The following LINGO1 variants were observed in gnomAD, a reference collection of about 807,000 sequenced individuals.
LINGO1 encodes the protein leucine rich repeat and Ig domain containing 1.
LINGO1 carries 11 observed loss-of-function variants against 37.3 expected under a neutral mutation model. The ratio of observed to expected loss-of-function variants is 0.29; its 90% CI spans 0.19 to 0.49. The LOEUF is 0.49. LINGO1 is among the 20% of genes least tolerant of loss of function. The pLI, the probability that LINGO1 is intolerant of heterozygous loss-of-function variation, is 0.99. For missense variants in LINGO1, 585 were observed against 878.2 expected (o/e 0.67, Z 4.22); for synonymous variants, 387 against 403.0 (o/e 0.96, Z 0.48).
Position 77,691,920 on chromosome 15 carries a change from G to A in LINGO1, c.-280-1019C>T, listed in dbSNP as rs950199252. ...ACTCCCATCTGTCACCCCCACCCAC[G>A]CTGCGGCATCACAGGGTCCAGATTA... On this transcript the variant is annotated intron_variant, in intron 1 of 3. Coordinates refer to the LINGO1 transcript ENST00000559893. Among the ~76,000 whole-genome samples, 13 of 152,282 alleles carry A rather than the reference G, an allele frequency of 8.5e-5. No homozygotes were observed. The East Asian group carries it at 2.5e-3, about 29-fold the overall frequency.
At chr15:77,631,420 G>A (rs986755428) in intron 1 of LINGO1, among the ~76,000 whole-genome samples, 1 of 152,166 alleles carries the variant, frequency 6.6e-6, no homozygotes, top group Non-Finnish European at 1.5e-5. Context: ...GCACAGTCAG[G>A]CTGGACCAGG....
chr15:77,636,387 G>A (rs187984783), upstream of LINGO1, among the ~76,000 whole-genome samples: 38 of 152,312 alleles, frequency 2.5e-4, no homozygotes, highest in East Asian at 6.8e-3. Flanking sequence ...AATTAATGAC[G>A]GCTCTAAAAT....
chr15:77,775,854 A>G (rs1430037745), intron 1 of LINGO1, among the ~76,000 whole-genome samples: 1 of 152,034 alleles, frequency 6.6e-6, no homozygotes, highest in Non-Finnish European at 1.5e-5. Flanking sequence ...CAAACCCCAC[A>G]CAGCAGCGGG....
intron 1 of LINGO1, among the ~76,000 whole-genome samples, chr15:77,764,468 TAAAG>T (rs550791251): frequency 1.3e-3 from 197 of 152,292 alleles, no homozygotes; most frequent in African/African-American, 4.5e-3. Context: ...CCAGGCTATA[TAAAG>T]AATTCTGCAA....
At chr15:77,816,530 A>G (rs557577693) in intron 1 of LINGO1, among the ~76,000 whole-genome samples, 40 of 152,268 alleles carry the variant, frequency 2.6e-4, no homozygotes, top group African/African-American at 9.4e-4. Context: ...TTACAATTTA[A>G]AACACAAATA....
At chr15:77,699,987 C>T (rs2075761822), upstream of LINGO1, among the ~76,000 whole-genome samples, 1 of 152,182 alleles carries the variant, frequency 6.6e-6, no homozygotes, top group Non-Finnish European at 1.5e-5. Flanking sequence ...CCTCAGGGTG[C>T]AAGGAAGGAG....
intron 2 of LINGO1, among the ~76,000 whole-genome samples, chr15:77,710,093 G>A (rs940645952): frequency 1.6e-4 from 24 of 152,366 alleles, no homozygotes; most frequent in African/African-American, 4.1e-4. Flanking sequence ...GGAAGCTGCA[G>A]CTCCTATGGC....
intron 1 of LINGO1, among the ~76,000 whole-genome samples, chr15:77,806,406 G>A (rs975308193): frequency 7.9e-5 from 12 of 152,194 alleles, no homozygotes; most frequent in African/African-American, 1.9e-4. Flanking sequence ...GGTCGAGGGC[G>A]GAGGGGTACT....
intron 1 of LINGO1, among the ~76,000 whole-genome samples, chr15:77,818,876 G>A (rs1390941167): frequency 6.6e-6 from 1 of 150,690 alleles, no homozygotes; most frequent in Non-Finnish European, 1.5e-5. Flanking sequence ...CCCGCCAGAC[G>A]GCCCGGCCCG....
At chr15:77,645,670 C>T (rs963502437) in intron 3 of LINGO1, among the ~76,000 whole-genome samples, 6 of 152,212 alleles carry the variant, frequency 3.9e-5, no homozygotes, top group African/African-American at 1.2e-4. Context: ...TGAGCCTGCC[C>T]GCACTCTGCA....
chr15:77,698,354 C>T (rs2075723782), upstream of LINGO1, among the ~76,000 whole-genome samples: 1 of 152,232 alleles, frequency 6.6e-6, no homozygotes, highest in Admixed American at 6.5e-5. Flanking sequence ...ATTAATTCAA[C>T]AAGCATGTGT....
chr15:77,762,234 G>T (rs901095780), intron 1 of LINGO1, among the ~76,000 whole-genome samples: 1 of 152,202 alleles, frequency 6.6e-6, no homozygotes, highest in African/African-American at 2.4e-5. Flanking sequence ...AGTGTGTGCA[G>T]GCCAGTCTTT....
At chr15:77,693,196 C>T (rs1051904581) in intron 1 of LINGO1, among the ~76,000 whole-genome samples, 17 of 152,356 alleles carry the variant, frequency 1.1e-4, no homozygotes, top group Middle Eastern at 6.8e-3. Flanking sequence ...GCATCAAATA[C>T]TTATTCGGCA....
intron 1 of LINGO1, among the ~76,000 whole-genome samples, chr15:77,777,114 G>A (rs144512859): frequency 6.6e-6 from 1 of 152,352 alleles, no homozygotes; most frequent in Non-Finnish European, 1.5e-5. Context: ...AAGCTCAGGA[G>A]CTGGGCCTGC....
intron 2 of LINGO1, among the ~76,000 whole-genome samples, chr15:77,730,544 G>A (rs1488083574): frequency 1.3e-5 from 2 of 152,202 alleles, no homozygotes; most frequent in Admixed American, 6.5e-5. Context: ...GTGCCGGGCT[G>A]CCCCTGCCTC....
chr15:77,625,764 C>A (rs2074069093), intron 1 of LINGO1, among the ~76,000 whole-genome samples: 1 of 152,200 alleles, frequency 6.6e-6, no homozygotes, highest in African/African-American at 2.4e-5. Context: ...ATACTGCCTC[C>A]CTCTGATTCA....
At chr15:77,683,619 G>A (rs1179891751) in intron 2 of LINGO1, among the ~76,000 whole-genome samples, 2 of 152,124 alleles carry the variant, frequency 1.3e-5, no homozygotes, top group African/African-American at 2.4e-5. Flanking sequence ...GTGGGGTAAT[G>A]TGCATAATAT....
chr15:77,754,882 A>T (rs575321482), intron 1 of LINGO1, among the ~76,000 whole-genome samples: 4 of 152,328 alleles, frequency 2.6e-5, no homozygotes, highest in East Asian at 3.9e-4. Flanking sequence ...GCTTCCACGA[A>T]ACTCAATGTC....
chr15:77,709,979 T>C (rs2075898637), intron 2 of LINGO1, among the ~76,000 whole-genome samples: 1 of 151,984 alleles, frequency 6.6e-6, no homozygotes, highest in Non-Finnish European at 1.5e-5. Context: ...CTCAGGAGGA[T>C]GGAAAGAGAT....
Sources: gnomAD v4.1 joint callset for allele counts (sites outside exome capture counted in the v4.1 genomes callset) on GRCh38, gnomAD v4.1.1 for gene constraint, MANE v1.5 for transcripts, NCBI Gene and HGNC (gene_info 2026-07-23, HGNC 2026-07-21) for gene names.